TSPAN15: variants seen among roughly 807,000 people sequenced by gnomAD.
The protein encoded by TSPAN15 is tetraspanin 15.
Under a neutral mutation model 34.5 loss-of-function variants are expected in TSPAN15, and 20 were observed. The observed-to-expected ratio is 0.58, with a 90% CI of 0.41 to 0.84. TSPAN15 has a LOEUF of 0.84. Ranked by LOEUF, TSPAN15 falls within the 40% of genes least tolerant of loss-of-function variation. The probability of loss-of-function intolerance (pLI) is 0.00; values close to 1 mark genes in which losing one functional copy is unlikely to be tolerated. For missense variants in TSPAN15, 313 were observed against 386.1 expected (o/e 0.81, Z 1.59); for synonymous variants, 155 against 153.9 (o/e 1.01, Z -0.05).
chr10:69,519,307 G>A, the TSPAN15 span, among the ~76,000 whole-genome samples: 3 of 152,064 alleles, frequency 2.0e-5, no homozygotes, highest in Non-Finnish European at 4.4e-5. Flanking sequence ...GTAGTCCCAT[G>A]TTCTTGGGAG....
chr10:69,489,967 G>A (rs1256110317), intron 3 of TSPAN15, among the ~76,000 whole-genome samples: 1 of 152,202 alleles, frequency 6.6e-6, no homozygotes, highest in Non-Finnish European at 1.5e-5. Context: ...GGTGTCAGAG[G>A]TGGGCAGCTC....
At chr10:69,543,844 A>AGTGTGTGTGTGTGT in the TSPAN15 span, among the ~76,000 whole-genome samples, 301 of 73,800 alleles carry the variant, frequency 4.1e-3, 8 homozygotes, top group East Asian at 0.01. Context: ...GAAGAAGGGG[A>AGTGTGTGTGTGTGT]GTGTGTGTGT....
intron 1 of TSPAN15, among the ~76,000 whole-genome samples, chr10:69,464,021 C>T (rs1321861098): frequency 1.3e-5 from 2 of 152,086 alleles, no homozygotes; most frequent in East Asian, 3.9e-4. Flanking sequence ...GAAGAGGAGG[C>T]CACGGGCACA....
At chr10:69,487,571 A>C (rs1340887564) in intron 3 of TSPAN15, among the ~76,000 whole-genome samples, 1 of 152,258 alleles carries the variant, frequency 6.6e-6, no homozygotes, top group Non-Finnish European at 1.5e-5. Flanking sequence ...GCTGGAGCCC[A>C]GGTCCAGTTT....
downstream of TSPAN15, among the ~76,000 whole-genome samples, chr10:69,509,621 C>A (rs1842395526): frequency 6.6e-6 from 1 of 152,120 alleles, no homozygotes. Flanking sequence ...GCTTTTGTTG[C>A]CATTGCTTTT....
intron 1 of TSPAN15, among the ~76,000 whole-genome samples, chr10:69,458,306 A>G (rs1164573196): frequency 1.3e-5 from 2 of 152,222 alleles, no homozygotes; most frequent in African/African-American, 4.8e-5. Context: ...TGAAAATCAT[A>G]CATGCGCATA....
chr10:69,507,656 T>TTTTG lies in TSPAN15; in HGVS notation c.*681_*682insGTTT. The TTTTG allele has an allele frequency of 8.7e-7, 1 of 1,151,986 alleles. No individual in the cohort carries two copies. Among genetic ancestry groups the TTTTG allele is most frequent in the Non-Finnish European group, 1.1e-6 (1 of 913,180 alleles). 71.4% of individuals were successfully genotyped at this position (1,151,986 alleles called of 1,614,324 possible). A position where few individuals can be genotyped will look rare whatever the true frequency, so the allele number is the denominator to read the frequency against. ...TAATCAAACAATAAAAACATGTTTTTTTTTTTTTTTTTTTTTTGCCTTTCC... is the reference window on the plus strand; with the variant it reads ...TAATCAAACAATAAAAACATGTTTTTTTTGTTTTTTTTTTTTTTTTTGCCTTTCC... On this transcript the variant is annotated 3_prime_UTR_variant, in exon 8 of 8. Coordinates refer to ENST00000373290, the MANE Select transcript of TSPAN15 (RefSeq NM_012339.5).
chr10:69,496,297 A>C (rs896623538), intron 4 of TSPAN15, among the ~76,000 whole-genome samples: 27 of 149,442 alleles, frequency 1.8e-4, no homozygotes, highest in African/African-American at 6.2e-4. Flanking sequence ...TCTCCCCTCT[A>C]GGTCCACCCA....
At chr10:69,502,705 C>A (rs1370432165) in intron 5 of TSPAN15, among the ~76,000 whole-genome samples, 1 of 152,092 alleles carries the variant, frequency 6.6e-6, no homozygotes, top group Non-Finnish European at 1.5e-5. Context: ...TGGTGAGGGG[C>A]TCTCCTGGCA....
At chr10:69,539,465 AGAAGGAGAAGGAGAAGG>A in the TSPAN15 span, among the ~76,000 whole-genome samples, 10 of 46,612 alleles carry the variant, frequency 2.1e-4, 1 homozygote, top group East Asian at 3.4e-3. Flanking sequence ...AAGAAGAAGG[AGAAGGAGAAGGAGAAGG>A]AGAAGAAGAA....
At chr10:69,476,909 C>T (rs1273253968) in intron 1 of TSPAN15, among the ~76,000 whole-genome samples, 4 of 152,064 alleles carry the variant, frequency 2.6e-5, no homozygotes, top group African/African-American at 4.8e-5. Flanking sequence ...GAGGTGGGGC[C>T]GGTGCTCCCT....
intron 3 of TSPAN15, among the ~76,000 whole-genome samples, chr10:69,487,858 T>TG (rs1420900332): frequency 6.6e-6 from 1 of 152,222 alleles, no homozygotes; most frequent in Non-Finnish European, 1.5e-5. Context: ...ACCCTGCAGA[T>TG]GCTGTAGTCC....
the TSPAN15 span, among the ~76,000 whole-genome samples, chr10:69,530,818 C>CTATA: frequency 8.9e-4 from 38 of 42,550 alleles, no homozygotes; most frequent in Non-Finnish European, 1.4e-3. Context: ...CTCTCTCTCT[C>CTATA]TCTATATATA....
the TSPAN15 span, among the ~76,000 whole-genome samples, chr10:69,529,825 T>C: frequency 6.8e-6 from 1 of 147,240 alleles, no homozygotes; most frequent in African/African-American, 2.5e-5. Flanking sequence ...ATGTGTAGTC[T>C]TTTATTCCTC....
chr10:69,516,042 C>T, the TSPAN15 span, among the ~76,000 whole-genome samples: 59 of 152,262 alleles, frequency 3.9e-4, no homozygotes, highest in African/African-American at 1.3e-3. Flanking sequence ...TTGTGAAGTT[C>T]GGATAGATGA....
intron 2 of TSPAN15, among the ~76,000 whole-genome samples, chr10:69,484,792 C>G (rs914098886): frequency 6.6e-6 from 1 of 152,186 alleles, no homozygotes. Flanking sequence ...GCCCATTAAG[C>G]CAGGCCTAGC....
the TSPAN15 span, chr10:69,523,201 A>G: frequency 6.1e-5 from 16 of 263,284 alleles, no homozygotes; most frequent in Non-Finnish European, 1.1e-4. Flanking sequence ...TGGTCTGGGC[A>G]CCATTTTGTT....
chr10:69,518,470 G>A, the TSPAN15 span, among the ~76,000 whole-genome samples: 1 of 152,300 alleles, frequency 6.6e-6, no homozygotes, highest in South Asian at 2.1e-4. Context: ...TGTCACTAAG[G>A]TGGAGTGCAG....
chr10:69,451,469 G>A lies in TSPAN15; in HGVS notation c.-126G>A, dbSNP rs904987216. The stretch of plus-strand genomic sequence containing the variant: ...CTGTGATTGCCGCGCTCCAGTGTCA[G>A]TCCCGGAGAGAACGCCGGTGGCGGG... On this transcript the variant is annotated 5_prime_UTR_variant, in exon 1 of 8. Transcript: ENST00000373290. 8 of 1,299,824 alleles carry A rather than the reference G, an allele frequency of 6.2e-6. No homozygotes were observed. In the South Asian group the frequency reaches 1.8e-4, roughly 29 times the overall value. The allele number at this position is 1,299,824 out of a possible 1,614,324, so 80.5% of individuals were successfully genotyped here.
Sources: gnomAD v4.1 joint callset for allele counts (sites outside exome capture counted in the v4.1 genomes callset) on GRCh38, gnomAD v4.1.1 for gene constraint, MANE v1.5 for transcripts, NCBI Gene and HGNC (gene_info 2026-07-23, HGNC 2026-07-21) for gene names.